The following ADK variants were observed in gnomAD, a reference collection of about 807,000 sequenced individuals.
The protein encoded by ADK is adenosine kinase.
In ADK, 24 loss-of-function variants were observed where a neutral mutation model predicts 44.7. That is an observed-to-expected ratio of 0.54 (90% CI 0.39 to 0.76). The LOEUF is 0.76. ADK is among the 30% of genes least tolerant of loss of function. The pLI is 0.00. For missense variants in ADK, 321 were observed against 425.1 expected (o/e 0.76, Z 2.15); for synonymous variants, 128 against 142.6 (o/e 0.90, Z 0.73).
intron 10 of ADK, among the ~76,000 whole-genome samples, chr10:74,676,685 T>C (rs987754715): frequency 6.6e-6 from 1 of 151,914 alleles, no homozygotes; most frequent in Non-Finnish European, 1.5e-5. Flanking sequence ...TCTTAAACTC[T>C]TGGCCTCAAG....
At chr10:74,541,652 G>C (rs552509439) in intron 7 of ADK, among the ~76,000 whole-genome samples, 2 of 151,396 alleles carry the variant, frequency 1.3e-5, no homozygotes, top group South Asian at 4.2e-4. Context: ...AATTCACCAG[G>C]CATGATGGCA....
At chr10:74,623,218 T>C (rs1271960606) in intron 9 of ADK, among the ~76,000 whole-genome samples, 1 of 152,176 alleles carries the variant, frequency 6.6e-6, no homozygotes, top group Non-Finnish European at 1.5e-5. Context: ...GGGATGCTGC[T>C]ATATATACTA....
intron 4 of ADK, among the ~76,000 whole-genome samples, chr10:74,364,222 A>G (rs537906208): frequency 6.6e-6 from 1 of 152,234 alleles, no homozygotes; most frequent in East Asian, 1.9e-4. Flanking sequence ...CCTTGAGTCT[A>G]ATCTCAAACC....
Position 74,707,848 on chromosome 10 carries a change from G to A in ADK, c.965-473G>A, listed in dbSNP as rs551819030. Among the ~76,000 whole-genome samples the A allele has an allele frequency of 3.3e-5, 5 of 151,648 alleles. No individual in the cohort carries two copies. The East Asian group carries it at 5.8e-4, about 18-fold the overall frequency. On this transcript the variant is annotated intron_variant, in intron 10 of 10. Coordinates refer to ENST00000539909, the MANE Select transcript of ADK (RefSeq NM_006721.4). ...TTGAGCTCTTTAGAATAAATATTAGGGGAAGCTCATGATGTTTGGGAAAAG... is the reference window on the plus strand; with the variant it reads ...TTGAGCTCTTTAGAATAAATATTAGAGGAAGCTCATGATGTTTGGGAAAAG...
chr10:74,494,142 T>G (rs1847595359), intron 6 of ADK, among the ~76,000 whole-genome samples: 1 of 152,152 alleles, frequency 6.6e-6, no homozygotes, highest in Non-Finnish European at 1.5e-5. Flanking sequence ...AGTTTACTGA[T>G]TTTGTCCTTA....
chr10:74,680,397 G>A (rs1436562997), intron 10 of ADK, among the ~76,000 whole-genome samples: 3 of 152,088 alleles, frequency 2.0e-5, no homozygotes, highest in African/African-American at 7.2e-5. Flanking sequence ...ATGGTCTTAT[G>A]TGTGTATGTT....
chr10:74,546,188 T>C lies in ADK; in HGVS notation c.726+20762T>C, dbSNP rs1040883106. Among the ~76,000 whole-genome samples the C allele has an allele frequency of 2.0e-5, 3 of 152,234 alleles. No individual in the cohort carries two copies. The South Asian group carries it at 6.2e-4, about 31-fold the overall frequency. On this transcript the variant is annotated intron_variant, in intron 7 of 10. Transcript: ENST00000539909. ...AACTAGCAGAAATTTTGCGTGATGC[T>C]GAGGATTTTTAGATGGCTGCAAAAT...
intron 6 of ADK, among the ~76,000 whole-genome samples, chr10:74,499,529 A>C (rs1847816211): frequency 6.6e-6 from 1 of 152,104 alleles, no homozygotes; most frequent in Non-Finnish European, 1.5e-5. Context: ...TCTACTAAAA[A>C]TACAAAAAAT....
At chr10:74,193,800 A>G (rs1234423986) in intron 1 of ADK, among the ~76,000 whole-genome samples, 1 of 152,144 alleles carries the variant, frequency 6.6e-6, no homozygotes, top group East Asian at 1.9e-4. Context: ...ATCAGAACCT[A>G]TAATCACAGA....
At chr10:74,488,374 C>CGTGT (rs60178427) in intron 6 of ADK, among the ~76,000 whole-genome samples, 4,493 of 140,828 alleles carry the variant, frequency 0.032, 86 homozygotes, top group African/African-American at 0.055. Context: ...GGAAAAAAGA[C>CGTGT]GTGTGTGTGT....
rs56042541 is a variant in ADK, at chr10:74,567,699, G to GT, written c.727-21566dup. Among the ~76,000 whole-genome samples, 934 of 112,332 alleles carry GT rather than the reference G, an allele frequency of 8.3e-3. 2 individuals carry two copies. The highest frequency in any genetic ancestry group is 0.011 in the Non-Finnish European group (651 of 57,406). The allele number at this position is 112,332 out of a possible 152,430, so 73.7% of individuals were successfully genotyped here. On this transcript the variant is annotated intron_variant, in intron 7 of 10. Coordinates refer to ENST00000539909, the MANE Select transcript of ADK (RefSeq NM_006721.4). ...TCTCTCTGTTTTTTTTGTTTTTTTT[G>GT]TTTTTTTTTTTTTTTTTGAGATGGA...
intron 9 of ADK, chr10:74,655,817 C>G (rs1854466808): frequency 3.9e-6 from 2 of 513,860 alleles, no homozygotes; most frequent in Admixed American, 4.9e-5. Flanking sequence ...AGGTACAGGG[C>G]AAGGACAGAG....
intron 7 of ADK, among the ~76,000 whole-genome samples, chr10:74,546,299 TTG>T (rs1405893865): frequency 3.9e-5 from 6 of 152,216 alleles, no homozygotes; most frequent in Admixed American, 1.3e-4. Flanking sequence ...AATGGAAGAT[TTG>T]TGAGACTAGG....
chr10:74,453,846 G>A (rs1470425837), intron 6 of ADK, among the ~76,000 whole-genome samples: 1 of 151,978 alleles, frequency 6.6e-6, no homozygotes, highest in Non-Finnish European at 1.5e-5. Context: ...AAATATTCAT[G>A]ATAGAAGCCA....
At chr10:74,352,007 A>T (rs1252825963) in intron 4 of ADK, among the ~76,000 whole-genome samples, 9 of 152,148 alleles carry the variant, frequency 5.9e-5, no homozygotes, top group African/African-American at 1.9e-4. Flanking sequence ...TAATGTATAG[A>T]TCCAATGCTA....
intron 9 of ADK, among the ~76,000 whole-genome samples, chr10:74,622,446 T>G (rs968504611): frequency 2.9e-4 from 44 of 152,210 alleles, no homozygotes; most frequent in African/African-American, 1.1e-3. Flanking sequence ...AAATTAAGCT[T>G]TTCTGCCTTT....
At chr10:74,461,138 G>A (rs140537806) in intron 6 of ADK, among the ~76,000 whole-genome samples, 4 of 147,004 alleles carry the variant, frequency 2.7e-5, no homozygotes, top group African/African-American at 8.2e-5. Flanking sequence ...TAAGAAACCG[G>A]AAATAGAATT....
chr10:74,539,853 T>C (rs1849567419), intron 7 of ADK, among the ~76,000 whole-genome samples: 1 of 152,226 alleles, frequency 6.6e-6, no homozygotes, highest in South Asian at 2.1e-4. Context: ...GTTTTTCTAA[T>C]ATATTTACTC....
chr10:74,280,051 T>G (rs534342431), intron 3 of ADK, among the ~76,000 whole-genome samples: 49 of 152,282 alleles, frequency 3.2e-4, no homozygotes, highest in Non-Finnish European at 1.2e-4. Flanking sequence ...AAGTTTACTT[T>G]TCTCTTTTCT....
Sources: gnomAD v4.1 joint callset for allele counts (sites outside exome capture counted in the v4.1 genomes callset) on GRCh38, gnomAD v4.1.1 for gene constraint, MANE v1.5 for transcripts, NCBI Gene and HGNC (gene_info 2026-07-23, HGNC 2026-07-21) for gene names.